Variants in TRIOBP observed in about 807,000 individuals in gnomAD.
TRIOBP encodes the protein TRIO and F-actin binding protein.
Under a neutral mutation model 238.8 loss-of-function variants are expected in TRIOBP, and 169 were observed. The ratio of observed to expected loss-of-function variants is 0.71; its 90% confidence interval spans 0.62 to 0.80. The LOEUF (loss-of-function observed/expected upper bound fraction) is 0.80, where lower values mean the gene tolerates loss of function less well. Ranked by LOEUF, TRIOBP falls within the 30% of genes least tolerant of loss-of-function variation. TRIOBP has a pLI of 0.00. For missense variants in TRIOBP, 2,838 were observed against 3,122.6 expected (o/e 0.91, Z 2.17); for synonymous variants, 1,150 against 1,274.4 (o/e 0.90, Z 2.08).
chr22:37,732,220 C>T (rs183693890), intron 7 of TRIOBP, among the ~76,000 whole-genome samples: 4 of 152,260 alleles, frequency 2.6e-5, no homozygotes, highest in Non-Finnish European at 5.9e-5. Context: ...AGAGATACCA[C>T]GTTAATCATT....
intron 11 of TRIOBP, among the ~76,000 whole-genome samples, chr22:37,749,732 A>T (rs1207528427): frequency 6.8e-6 from 1 of 146,206 alleles, no homozygotes; most frequent in Non-Finnish European, 1.5e-5. Context: ...GGATCACTTG[A>T]GCTCAGGAGT....
chr22:37,747,043 G>T (rs1456048309), intron 11 of TRIOBP, among the ~76,000 whole-genome samples: 2 of 152,220 alleles, frequency 1.3e-5, no homozygotes, highest in East Asian at 3.9e-4. Context: ...GGACAAGCCT[G>T]CGAGTCTGAG....
In TRIOBP at chr22:37,774,199, C is replaced by T. The variant is rs924234947; in HGVS notation, c.*419C>T. On this transcript the variant is annotated 3_prime_UTR_variant, in exon 24 of 24. Transcript: ENST00000644935. ...GTCCCCCTCTGTCTCCAGCCACCCT[C>T]TGCTTGGGCTTCTGAGCTGGTGGCC... 3 of 152,338 alleles carry T rather than the reference C, an allele frequency of 2.0e-5. No individual in the cohort carries two copies. Among genetic ancestry groups the T allele is most frequent in the African/African-American group, 7.2e-5 (3 of 41,450 alleles). 9.4% of individuals were successfully genotyped at this position (152,338 alleles called of 1,614,324 possible).
intron 11 of TRIOBP, chr22:37,750,777 T>G (rs1220940815): frequency 1.3e-5 from 6 of 468,912 alleles, no homozygotes; most frequent in Non-Finnish European, 2.7e-5. Context: ...GGGTGGAGAG[T>G]GGGTCGGGAG....
intron 3 of TRIOBP, among the ~76,000 whole-genome samples, chr22:37,708,028 C>T (rs181290247): frequency 6.7e-3 from 1,005 of 150,736 alleles, no homozygotes; most frequent in Non-Finnish European, 0.012. Flanking sequence ...GGGCGGATCA[C>T]GAGATCAGGA....
chr22:37,729,098 A>G (rs1297373033), intron 7 of TRIOBP, among the ~76,000 whole-genome samples: 1 of 151,994 alleles, frequency 6.6e-6, no homozygotes, highest in Non-Finnish European at 1.5e-5. Context: ...TTGTATTTTT[A>G]GTAGCGACAG....
chr22:37,772,717 C>T lies in TRIOBP; in HGVS notation c.7053C>T (p.Ala2351=), dbSNP rs776003532. ...QLKEHLRLAM[A]ALQEKESMRN... ...AGGAGCACCTGCGTCTTGCCATGGCCGCCCTCCAGGAGAAGGAGTCGATGC... is the reference window on the plus strand; with the variant it reads ...AGGAGCACCTGCGTCTTGCCATGGCTGCCCTCCAGGAGAAGGAGTCGATGC... The change falls in exon 23 of 24, where the codon GCC becomes GCT. Residue 2351 remains alanine, a synonymous_variant. Coordinates refer to ENST00000644935, the MANE Select transcript of TRIOBP (RefSeq NM_001039141.3). 15 of 1,614,002 alleles carry T rather than the reference C, an allele frequency of 9.3e-6. No individual in the cohort carries two copies. The East Asian group carries it at 1.3e-4, about 14-fold the overall frequency.
chr22:37,771,317 G>A (rs963143119), intron 21 of TRIOBP, among the ~76,000 whole-genome samples: 6 of 152,150 alleles, frequency 3.9e-5, no homozygotes, highest in African/African-American at 1.2e-4. Flanking sequence ...GGTGCCTTGT[G>A]GAGTGGTTCA....
At chr22:37,704,904 C>CAAA (rs55816795) in intron 3 of TRIOBP, among the ~76,000 whole-genome samples, 1 of 131,326 alleles carries the variant, frequency 7.6e-6, no homozygotes, top group African/African-American at 2.9e-5. Context: ...CCATTTCTAC[C>CAAA]AAAAAAAAAA....
intron 9 of TRIOBP, among the ~76,000 whole-genome samples, chr22:37,737,703 C>T (rs896238960): frequency 2.6e-5 from 4 of 151,952 alleles, no homozygotes; most frequent in East Asian, 1.9e-4. Context: ...CACTCAAGGC[C>T]GGCTTCCCTT....
chr22:37,726,586 A>C, intron 7 of TRIOBP, 83 bp downstream of exon 7: 2 of 1,321,636 alleles, frequency 1.5e-6, no homozygotes, highest in Non-Finnish European at 2.0e-6. Context: ...GTGCCAAAAG[A>C]AAGTGTTCAA....
intron 21 of TRIOBP, 69 bp downstream of exon 21, chr22:37,769,444 C>A: frequency 7.0e-7 from 1 of 1,432,124 alleles, no homozygotes; most frequent in Non-Finnish European, 9.5e-7. Context: ...GCACCCCCGC[C>A]ATAGGCTGGG....
chr22:37,724,610 C>A lies in TRIOBP; in HGVS notation c.2054C>A (p.Ser685Tyr). The change falls in exon 7 of 24, where the codon TCC (serine) becomes TAC (tyrosine). Residue 685 changes from serine to tyrosine, a missense_variant. Transcript: ENST00000644935. ...GCCCTACGGGACAATCCCAGAGCCT[C>A]CTCTCCCAGCAGAACCATCCAACAA... ...SCALRDNPRA[S>Y]SPSRTIQQEN... is the part of the protein sequence containing the mutation. 1 of 1,612,116 alleles carries A rather than the reference C, an allele frequency of 6.2e-7. No homozygotes were observed. The highest frequency in any genetic ancestry group is 1.3e-5 in the African/African-American group (1 of 74,318).
intron 10 of TRIOBP, among the ~76,000 whole-genome samples, chr22:37,740,291 C>T (rs1267098011): frequency 6.6e-6 from 1 of 152,196 alleles, no homozygotes; most frequent in East Asian, 1.9e-4. Context: ...TTGGTTTCCC[C>T]AACGAGGATG....
chr22:37,738,748 C>A (rs778329679), intron 10 of TRIOBP, 29 bp downstream of exon 10: 2 of 1,610,064 alleles, frequency 1.2e-6, no homozygotes, highest in South Asian at 2.2e-5. Flanking sequence ...TGGGTACATA[C>A]GGTGGGGAAG....
At chr22:37,700,026 G>A (rs780992532) in intron 2 of TRIOBP, among the ~76,000 whole-genome samples, 25 of 151,704 alleles carry the variant, frequency 1.6e-4, no homozygotes, top group Non-Finnish European at 3.2e-4. Flanking sequence ...CTACAGGTGC[G>A]TGCTACCACG....
chr22:37,771,688 A>G lies in TRIOBP; in HGVS notation c.6888A>G (p.Leu2296=). 6.2e-7 allele frequency: 1 copy of G among 1,614,100 alleles called. No individual in the cohort carries two copies. The highest frequency in any genetic ancestry group is 8.5e-7 in the Non-Finnish European group (1 of 1,179,998). ...LRVKENELQY[L]KKEVQCLRDE... Reference sequence around the variant, plus strand: ...TAAAAGAAAACGAACTCCAGTACCTAAAGAAGGAGGTGCAGTGCCTCCGGG... The same window carrying G: ...TAAAAGAAAACGAACTCCAGTACCTGAAGAAGGAGGTGCAGTGCCTCCGGG... Residue 2296 remains leucine (L), a synonymous_variant, in exon 22 of 24, where the codon CTA becomes CTG. Coordinates refer to ENST00000644935, the MANE Select transcript of TRIOBP (RefSeq NM_001039141.3).
In TRIOBP at chr22:37,735,417, A is replaced by G. The variant is rs1298336560; in HGVS notation, c.5081A>G (p.Lys1694Arg). The change falls in exon 9 of 24, where the codon AAG becomes AGG. Residue 1694 changes from lysine to arginine, a missense_variant. Physicochemically the swap from Lys to Arg is conservative, Grantham distance 26. This residue lies in a region of TRIOBP where 2,096 missense variants were observed against 2,137.4 expected (regional missense o/e 0.98). Coordinates refer to ENST00000644935, the MANE Select transcript of TRIOBP (RefSeq NM_001039141.3). ...TGPLGSRSTA[K>R]GPSLPELQFQ... ...CCCCTGGGGAGCAGGAGCACTGCGA[A>G]GGGCCCCAGCTTGCCAGAGCTGCAG... 6 of 1,580,270 alleles carry G rather than the reference A, an allele frequency of 3.8e-6. No individual in the cohort carries two copies. The highest frequency in any genetic ancestry group is 5.2e-6 in the Non-Finnish European group (6 of 1,163,564).
chr22:37,727,582 T>A (rs971111024), intron 7 of TRIOBP, among the ~76,000 whole-genome samples: 2 of 152,030 alleles, frequency 1.3e-5, no homozygotes, highest in African/African-American at 4.8e-5. Context: ...GCAGGAGAAT[T>A]GCTTGAACCT....
Sources: gnomAD v4.1 joint callset for allele counts (sites outside exome capture counted in the v4.1 genomes callset) on GRCh38, gnomAD v4.1.1 for gene constraint, gnomAD v4.1.1 regional missense constraint, MANE v1.5 for transcripts, NCBI Gene and HGNC (gene_info 2026-07-23, HGNC 2026-07-21) for gene names.